PCDH9: variants seen among roughly 807,000 people sequenced by gnomAD.
The protein encoded by PCDH9 is protocadherin 9, also known as protocadherin-9.
In PCDH9, 24 loss-of-function variants were observed where a neutral mutation model predicts 70.6. The ratio of observed to expected loss-of-function variants is 0.34; its 90% CI spans 0.25 to 0.48. PCDH9 has a LOEUF of 0.48. Among genes scored for constraint, PCDH9 ranks in the 20% least tolerant of loss-of-function variants. The pLI is 0.99. For missense variants in PCDH9, 1,281 were observed against 1,503.6 expected, an observed-to-expected ratio of 0.85 and a Z score of 2.45; for synonymous variants, 562 against 558.5, an observed-to-expected ratio of 1.01 and a Z score of -0.09.
chr13:66,623,837 A>T (rs1430276903), intron 4 of PCDH9, among the ~76,000 whole-genome samples: 2 of 152,208 alleles, frequency 1.3e-5, no homozygotes, highest in African/African-American at 4.8e-5. Context: ...ATATACAATG[A>T]ATCAAAATAT....
intron 4 of PCDH9, among the ~76,000 whole-genome samples, chr13:66,548,592 TA>T (rs1324802130): frequency 6.6e-6 from 1 of 150,646 alleles, no homozygotes; most frequent in Non-Finnish European, 1.5e-5. Context: ...GTTCAAAAAC[TA>T]AAAAAAAATA....
At chr13:66,858,749 A>G (rs528860524) in intron 3 of PCDH9, among the ~76,000 whole-genome samples, 2 of 152,284 alleles carry the variant, frequency 1.3e-5, no homozygotes, top group South Asian at 4.1e-4. Flanking sequence ...TTTAATAATA[A>G]ATTAATTGTA....
chr13:66,921,417 G>A (rs975222765), intron 2 of PCDH9, among the ~76,000 whole-genome samples: 2 of 151,116 alleles, frequency 1.3e-5, no homozygotes, highest in Non-Finnish European at 3.0e-5. Context: ...CTCAGTCATC[G>A]TGAGCATGTT....
rs145857903 is a variant in PCDH9, at chr13:67,108,164, G to A, written c.3036+117241C>T. 1.2e-3 allele frequency among the ~76,000 whole-genome samples: 187 copies of A among 152,278 alleles called. 1 individual carries two copies. The highest frequency in any genetic ancestry group is 4.4e-3 in the African/African-American group (181 of 41,552). On this transcript the variant is annotated intron_variant, in intron 2 of 4. Coordinates refer to ENST00000377865, the MANE Select transcript of PCDH9 (RefSeq NM_203487.3). ...CAGCTGTGGAATCTGGGCTGGTAAC[G>A]CAAGCTGAGCACAGCCTGCCAAGCT...
At chr13:66,366,617 C>T (rs1189456312) in intron 4 of PCDH9, among the ~76,000 whole-genome samples, 2 of 151,868 alleles carry the variant, frequency 1.3e-5, no homozygotes, top group Admixed American at 6.6e-5. Context: ...AAGTAAATTG[C>T]ACTCTAAGTA....
chr13:66,688,870 C>T (rs139275965), intron 3 of PCDH9, among the ~76,000 whole-genome samples: 209 of 152,150 alleles, frequency 1.4e-3, no homozygotes, highest in African/African-American at 4.8e-3. Context: ...TTCATTGTAA[C>T]CACATGCAAA....
At chr13:66,521,032 A>C (rs537650791) in intron 4 of PCDH9, among the ~76,000 whole-genome samples, 29 of 152,324 alleles carry the variant, frequency 1.9e-4, no homozygotes, top group African/African-American at 7.0e-4. Context: ...AATATCATAC[A>C]GAAAAACAAA....
At chr13:66,546,960 C>T (rs143925829) in intron 4 of PCDH9, among the ~76,000 whole-genome samples, 314 of 152,272 alleles carry the variant, frequency 2.1e-3, no homozygotes, top group Middle Eastern at 0.01. Context: ...GCTTAGGTGT[C>T]TGTAACCTAG....
chr13:67,196,160 C>A (rs1370481506), intron 2 of PCDH9, among the ~76,000 whole-genome samples: 1 of 152,042 alleles, frequency 6.6e-6, no homozygotes, highest in Non-Finnish European at 1.5e-5. Flanking sequence ...ATAAAAGTAA[C>A]ATTTACCTAA....
intron 3 of PCDH9, among the ~76,000 whole-genome samples, chr13:66,668,462 A>G (rs2078126543): frequency 6.6e-6 from 1 of 152,116 alleles, no homozygotes; most frequent in South Asian, 2.1e-4. Flanking sequence ...CACTGAAGGA[A>G]CCTGAATCCT....
intron 3 of PCDH9, among the ~76,000 whole-genome samples, chr13:66,753,935 CTTCTGTT>C (rs1355314406): frequency 1.3e-5 from 2 of 152,118 alleles, no homozygotes; most frequent in African/African-American, 4.8e-5. Context: ...CCTTCATATT[CTTCTGTT>C]AGTTAGAAAT....
chr13:66,783,110 T>C (rs948072950), intron 3 of PCDH9, among the ~76,000 whole-genome samples: 1 of 152,122 alleles, frequency 6.6e-6, no homozygotes, highest in African/African-American at 2.4e-5. Flanking sequence ...ACTTCGTCTT[T>C]TTTATCTAGT....
chr13:66,732,219 A>G (rs1169953274), intron 3 of PCDH9, among the ~76,000 whole-genome samples: 1 of 151,950 alleles, frequency 6.6e-6, no homozygotes, highest in Non-Finnish European at 1.5e-5. Context: ...GGATCAAATC[A>G]GGGTAATTGA....
Position 66,675,109 on chromosome 13 carries a change from C to T in PCDH9, c.3139-43698G>A, listed in dbSNP as rs1189361913. ...AATAAGAAATTTAAAATTTTGATGC[C>T]TCAGATTCCTTATCTGTAAAATACA... On this transcript the variant is annotated intron_variant, in intron 3 of 4. Transcript: ENST00000377865. 3.9e-5 allele frequency among the ~76,000 whole-genome samples: 6 copies of T among 152,040 alleles called. 1 individual carries two copies. Among genetic ancestry groups the T allele is most frequent in the South Asian group, 4.1e-4 (2 of 4,828 alleles).
At chr13:67,120,640 C>G (rs1367870897) in intron 2 of PCDH9, among the ~76,000 whole-genome samples, 3 of 152,146 alleles carry the variant, frequency 2.0e-5, no homozygotes, top group Non-Finnish European at 4.4e-5. Context: ...ATACTTCAGT[C>G]ACATTCTATC....
chr13:67,210,110 T>C (rs1472707853), intron 2 of PCDH9: 1 of 152,068 alleles, frequency 6.6e-6, no homozygotes, highest in African/African-American at 2.4e-5. Context: ...CCTTAATGTG[T>C]TACTATAGAC....
At chr13:66,794,486 C>T (rs991716673) in intron 3 of PCDH9, among the ~76,000 whole-genome samples, 2 of 152,108 alleles carry the variant, frequency 1.3e-5, no homozygotes, top group Admixed American at 1.3e-4. Flanking sequence ...GTGCCAGAAG[C>T]GTTTAGCATC....
chr13:66,622,751 G>T (rs188306052), intron 4 of PCDH9, among the ~76,000 whole-genome samples: 1 of 152,200 alleles, frequency 6.6e-6, no homozygotes, highest in African/African-American at 2.4e-5. Context: ...CCAGATAAGA[G>T]AATAAAAGCA....
intron 2 of PCDH9, among the ~76,000 whole-genome samples, chr13:67,128,050 G>T (rs2087022208): frequency 6.6e-6 from 1 of 152,106 alleles, no homozygotes; most frequent in African/African-American, 2.4e-5. Context: ...CAGGTGGCAG[G>T]TAATGTGATA....
Sources: allele counts gnomAD v4.1 joint callset (sites outside exome capture counted in the v4.1 genomes callset), GRCh38; gene constraint gnomAD v4.1.1; transcripts MANE v1.5; gene names NCBI Gene and HGNC (gene_info 2026-07-23, HGNC 2026-07-21).